Variants in STARD9 observed in about 807,000 individuals in gnomAD.
STARD9 encodes stAR-related lipid transfer protein 9.
In STARD9, 346 loss-of-function variants were observed where a neutral mutation model predicts 399.8. The observed-to-expected ratio is 0.87, with a 90% CI of 0.79 to 0.95. The LOEUF (loss-of-function observed/expected upper bound fraction) is 0.95, where lower values mean the gene tolerates loss of function less well. Among genes scored for constraint, STARD9 ranks in the 40% least tolerant of loss-of-function variants. The pLI is 0.00. For synonymous variants in STARD9, 2,203 were observed against 2,143.5 expected, an observed-to-expected ratio of 1.03 and a Z score of -0.77; for missense variants, 5,832 against 5,667.5, an observed-to-expected ratio of 1.03 and a Z score of -0.93.
intron 3 of STARD9, among the ~76,000 whole-genome samples, chr15:42,601,585 C>A (rs1475513487): frequency 2.0e-5 from 3 of 150,006 alleles, no homozygotes; most frequent in Admixed American, 6.6e-5. Context: ...GCTGCCCCCC[C>A]ACCTCCCGGA....
Position 42,646,094 on chromosome 15 carries a change from G to A in STARD9, c.560-4922G>A, listed in dbSNP as rs897444536. Among the ~76,000 whole-genome samples, 5 of 152,124 alleles carry A rather than the reference G, an allele frequency of 3.3e-5. No homozygotes were observed. The South Asian group carries it at 6.2e-4, about 19-fold the overall frequency. On this transcript the variant is annotated intron_variant, in intron 7 of 32. Coordinates refer to ENST00000290607, the MANE Select transcript of STARD9 (RefSeq NM_020759.3). ...GAGAATCACTTGAACCCAGAAGGCAGAGGTTGCAGTGAGCCGAGATTGTGC... is the reference window on the plus strand; with the variant it reads ...GAGAATCACTTGAACCCAGAAGGCAAAGGTTGCAGTGAGCCGAGATTGTGC...
chr15:42,614,607 A>G (rs2058919115), intron 3 of STARD9, among the ~76,000 whole-genome samples: 1 of 152,196 alleles, frequency 6.6e-6, no homozygotes, highest in African/African-American at 2.4e-5. Context: ...ATCTGGCAAT[A>G]TGTATTAAAA....
chr15:42,690,883 C>T lies in STARD9; in HGVS notation c.9305C>T (p.Ser3102Phe). ...KQASTELEAA[S>F]FPAGMYSEPL... is the part of the protein sequence containing the mutation. Reference sequence around the variant, plus strand: ...GCAAGCACAGAACTTGAGGCTGCCTCTTTCCCTGCAGGCATGTACTCTGAG... The same window carrying T: ...GCAAGCACAGAACTTGAGGCTGCCTTTTTCCCTGCAGGCATGTACTCTGAG... The change falls in exon 23 of 33, where the codon TCT (serine) becomes TTT (phenylalanine). Residue 3102 changes from serine (S) to phenylalanine (F), a missense_variant. By Grantham distance (155) the Ser-to-Phe change is radical. This residue lies in a region of STARD9 where 5,828 missense variants were observed against 5,651.1 expected (regional missense o/e 1.03). Transcript: ENST00000290607. 6.5e-7 allele frequency: 1 copy of T among 1,537,210 alleles called. No homozygotes were observed. The highest frequency in any genetic ancestry group is 1.2e-5 in the South Asian group (1 of 84,060).
intron 3 of STARD9, among the ~76,000 whole-genome samples, chr15:42,589,607 CTTTT>C (rs754803358): frequency 7.1e-6 from 1 of 140,122 alleles, no homozygotes; most frequent in Non-Finnish European, 1.6e-5. Context: ...TGAGATTCAT[CTTTT>C]TTTTTTTTTT....
intron 11 of STARD9, 24 bp downstream of exon 11, chr15:42,662,915 G>A (rs1395651961): frequency 6.9e-7 from 1 of 1,450,282 alleles, no homozygotes; most frequent in Non-Finnish European, 9.4e-7. Context: ...GATAATGGGA[G>A]TGGGAGGGAG....
intron 3 of STARD9, among the ~76,000 whole-genome samples, chr15:42,632,669 T>C (rs752982302): frequency 2.0e-5 from 3 of 152,176 alleles, no homozygotes; most frequent in African/African-American, 7.2e-5. Flanking sequence ...AACTTAACAC[T>C]GATTATTAAA....
chr15:42,665,818 G>A lies in STARD9; in HGVS notation c.1287G>A (p.Leu429=). Residue 429 remains leucine, a synonymous_variant, in exon 15 of 33, where the codon CTG becomes CTA. Coordinates refer to ENST00000290607, the MANE Select transcript of STARD9 (RefSeq NM_020759.3). The part of the protein sequence containing the change: ...RNFSSLSDEN[L]KELVLQNELK... ...TCAGTTCATTGAGTGATGAAAACCT[G>A]AAGGAGCTGGTTCTCCAAAATGAAT... is the stretch of plus-strand genomic sequence containing the variant. 1 of 1,537,194 alleles carries A rather than the reference G, an allele frequency of 6.5e-7. No individual in the cohort carries two copies. The highest frequency in any genetic ancestry group is 8.7e-7 in the Non-Finnish European group (1 of 1,146,868).
intron 31 of STARD9, 76 bp from the exon 32 acceptor site, chr15:42,718,676 A>C (rs575006916): frequency 6.7e-7 from 1 of 1,494,734 alleles, no homozygotes; most frequent in South Asian, 1.2e-5. Context: ...GCCTTTCACC[A>C]TACTGTCTAC....
Position 42,682,170 on chromosome 15 carries a change from A to G in STARD9, c.2132A>G (p.Gln711Arg). 3.9e-6 allele frequency: 6 copies of G among 1,537,288 alleles called. No homozygotes were observed. The highest frequency in any genetic ancestry group is 5.2e-6 in the Non-Finnish European group (6 of 1,146,894). ...ASLQQQQQED[Q>R]VAEKELEASV... ...TTGCAACAGCAGCAGCAAGAAGACC[A>G]GGTAGCAGAGAAAGAACTTGAGGCA... is the stretch of plus-strand genomic sequence containing the variant. The change falls in exon 22 of 33, where the codon CAG becomes CGG. Residue 711 changes from glutamine to arginine, a missense_variant. Gln to Arg is a conservative substitution (Grantham distance 43). Coordinates refer to ENST00000290607, the MANE Select transcript of STARD9 (RefSeq NM_020759.3).
At chr15:42,598,411 C>T (rs1310413596) in intron 3 of STARD9, among the ~76,000 whole-genome samples, 1 of 151,208 alleles carries the variant, frequency 6.6e-6, no homozygotes, top group Non-Finnish European at 1.5e-5. Flanking sequence ...AAGGCTTTCT[C>T]ACTCTGAGAT....
Position 42,607,138 on chromosome 15 carries a change from C to T in STARD9, c.234+21501C>T, listed in dbSNP as rs1343045061. On this transcript the variant is annotated intron_variant, in intron 3 of 32. Coordinates refer to ENST00000290607, the MANE Select transcript of STARD9 (RefSeq NM_020759.3). ...GGAGGAGTCTAAAGTCTGTGCACAA[C>T]CCTGTAACCATTGTGCTCTTTTTCC... Among the ~76,000 whole-genome samples, 3 of 144,304 alleles carry T rather than the reference C, an allele frequency of 2.1e-5. No individual in the cohort carries two copies. The South Asian group carries it at 6.7e-4, about 32-fold the overall frequency. 94.7% of individuals were successfully genotyped at this position (144,304 alleles called of 152,430 possible). A position where few individuals can be genotyped will look rare whatever the true frequency, so the allele number is the denominator to read the frequency against.
intron 3 of STARD9, among the ~76,000 whole-genome samples, chr15:42,607,193 G>C (rs1181169483): frequency 3.2e-5 from 1 of 31,698 alleles, no homozygotes; most frequent in African/African-American, 5.8e-5. Flanking sequence ...TTTTTCTGGT[G>C]CTTTTTTTTT....
chr15:42,604,171 C>T (rs2058684847), intron 3 of STARD9, among the ~76,000 whole-genome samples: 1 of 152,216 alleles, frequency 6.6e-6, no homozygotes, highest in Admixed American at 6.5e-5. Context: ...AGATTTCTTT[C>T]ACTGCCATAA....
intron 28 of STARD9, 144 bp downstream of exon 28, chr15:42,717,192 A>T (rs891238460): frequency 4.2e-6 from 4 of 960,478 alleles, no homozygotes; most frequent in Non-Finnish European, 6.1e-6. Flanking sequence ...TCTTGAGAAA[A>T]GGGGAATTCG....
intron 15 of STARD9, among the ~76,000 whole-genome samples, chr15:42,668,363 T>G (rs913601121): frequency 6.6e-6 from 1 of 152,028 alleles, no homozygotes; most frequent in Non-Finnish European, 1.5e-5. Context: ...AGAGAAGCAC[T>G]TAGCTAAATC....
chr15:42,688,505 G>A lies in STARD9; in HGVS notation c.6927G>A (p.Arg2309=). Residue 2309 remains arginine, a synonymous_variant, in exon 23 of 33, where the codon AGG becomes AGA. Transcript: ENST00000290607. Reference sequence around the variant, plus strand: ...AGCTTTGTAGGGACACGTTTTTCAGGCAGGAAACTGTCAGCCCATTACTAA... The same window carrying A: ...AGCTTTGTAGGGACACGTTTTTCAGACAGGAAACTGTCAGCCCATTACTAA... ...LSQLCRDTFF[R]QETVSPLLSR... The A allele has an allele frequency of 7.8e-6, 12 of 1,537,838 alleles. No homozygotes were observed. Among genetic ancestry groups the A allele is most frequent in the Non-Finnish European group, 1.0e-5 (12 of 1,147,058 alleles).
intron 26 of STARD9, among the ~76,000 whole-genome samples, chr15:42,701,838 C>CA (rs1566958421): frequency 1.3e-5 from 2 of 151,610 alleles, no homozygotes; most frequent in African/African-American, 4.9e-5. Flanking sequence ...ACTAAAAATA[C>CA]AAAAAATTAG....
chr15:42,668,948 A>T (rs1221422136), intron 15 of STARD9, among the ~76,000 whole-genome samples: 27 of 152,346 alleles, frequency 1.8e-4, no homozygotes, highest in Admixed American at 1.7e-3. Context: ...GCTTCTGTTT[A>T]TACAAGTAAC....
At chr15:42,620,935 G>T (rs1027584669) in intron 3 of STARD9, among the ~76,000 whole-genome samples, 1 of 151,862 alleles carries the variant, frequency 6.6e-6, no homozygotes, top group Admixed American at 6.6e-5. Context: ...TGTATTTTTA[G>T]TAGAGATGGG....
Sources: allele counts gnomAD v4.1 joint callset (sites outside exome capture counted in the v4.1 genomes callset), GRCh38; gene constraint gnomAD v4.1.1; regional missense constraint gnomAD v4.1.1; transcripts MANE v1.5; gene names NCBI Gene and HGNC (gene_info 2026-07-23, HGNC 2026-07-21).